The following DAB1 variants were observed in gnomAD, a reference collection of about 807,000 sequenced individuals.
DAB1 encodes DAB adaptor protein 1, also known as disabled homolog 1.
Under a neutral mutation model 64.6 loss-of-function variants are expected in DAB1, and 15 were observed. The ratio of observed to expected loss-of-function variants is 0.23; its 90% confidence interval spans 0.16 to 0.36. The LOEUF (loss-of-function observed/expected upper bound fraction) is 0.36, where lower values mean the gene tolerates loss of function less well. DAB1 is among the 10% of genes least tolerant of loss of function. The pLI, the probability that DAB1 is intolerant of heterozygous loss-of-function variation, is 1.00. For missense variants in DAB1, 596 were observed against 706.7 expected, an observed-to-expected ratio of 0.84 and a Z score of 1.78; for synonymous variants, 235 against 251.9, an observed-to-expected ratio of 0.93 and a Z score of 0.64.
At chr1:58,381,342 G>A (rs1157463041) in intron 3 of DAB1, among the ~76,000 whole-genome samples, 9 of 152,120 alleles carry the variant, frequency 5.9e-5, no homozygotes, top group Non-Finnish European at 1.2e-4. Flanking sequence ...AGTAGGCCAG[G>A]GTCAGCCAAG....
chr1:57,399,303 A>G (rs1683055917), intron 1 of DAB1, among the ~76,000 whole-genome samples: 1 of 152,214 alleles, frequency 6.6e-6, no homozygotes, highest in Non-Finnish European at 1.5e-5. Flanking sequence ...CACCAAGCAT[A>G]TAGCAGGTGC....
intron 7 of DAB1, among the ~76,000 whole-genome samples, chr1:57,522,105 A>G (rs1345794847): frequency 3.4e-5 from 5 of 148,000 alleles, no homozygotes; most frequent in African/African-American, 1.3e-4. Flanking sequence ...GCGAGACTCC[A>G]TCTCAAAAAA....
At chr1:57,185,918 C>T (rs1218473088) in intron 2 of DAB1, among the ~76,000 whole-genome samples, 2 of 152,028 alleles carry the variant, frequency 1.3e-5, no homozygotes, top group East Asian at 1.9e-4. Context: ...GAAGCAGAAC[C>T]GTGGACAATT....
chr1:57,035,258 T>C (rs1196078762), intron 9 of DAB1, among the ~76,000 whole-genome samples: 2 of 152,184 alleles, frequency 1.3e-5, no homozygotes, highest in African/African-American at 4.8e-5. Context: ...GGTCATAACT[T>C]TTAATAAAAA....
At chr1:58,291,779 T>C (rs1661845168) in intron 4 of DAB1, among the ~76,000 whole-genome samples, 3 of 152,192 alleles carry the variant, frequency 2.0e-5, no homozygotes, top group East Asian at 3.8e-4. Flanking sequence ...TAAGGTCACA[T>C]AGCTAGAAAA....
rs1334957079 is a variant in DAB1, at chr1:57,070,859, T to G, written c.597+164A>C. On this transcript the variant is annotated intron_variant, in intron 7 of 14. Coordinates refer to ENST00000371236, the MANE Select transcript of DAB1 (RefSeq NM_001365792.1). ...CCGGCCAAACTTCTGTTAGTTTTTA[T>G]GGAAATTTGCTCCTGGAGGGGCTGG... is the stretch of plus-strand genomic sequence containing the variant. 4.4e-6 allele frequency: 3 copies of G among 678,538 alleles called. No homozygotes were observed. The Admixed American group carries it at 7.2e-5, about 16-fold the overall frequency. 42.0% of individuals were successfully genotyped at this position (678,538 alleles called of 1,614,324 possible).
intron 6 of DAB1, among the ~76,000 whole-genome samples, chr1:57,696,287 G>C (rs1646844400): frequency 6.6e-6 from 1 of 152,122 alleles, no homozygotes; most frequent in African/African-American, 2.4e-5. Flanking sequence ...ATGGAAATCT[G>C]CAAGCAGGAG....
intron 6 of DAB1, among the ~76,000 whole-genome samples, chr1:57,817,215 G>A (rs1651896789): frequency 6.6e-6 from 1 of 152,166 alleles, no homozygotes; most frequent in South Asian, 2.1e-4. Flanking sequence ...GATTGGCAGA[G>A]AGCAATAATT....
chr1:57,669,729 T>C (rs1405105275), intron 6 of DAB1, among the ~76,000 whole-genome samples: 2 of 152,176 alleles, frequency 1.3e-5, no homozygotes, highest in Middle Eastern at 3.2e-3. Context: ...ATGATTGTGA[T>C]AGAAGCCTCC....
At chr1:57,980,950 C>A (rs1557592892) in intron 5 of DAB1, among the ~76,000 whole-genome samples, 1 of 150,096 alleles carries the variant, frequency 6.7e-6, no homozygotes, top group African/African-American at 2.5e-5. Context: ...GATAGATAAA[C>A]ATATATATAT....
chr1:57,053,913 C>T (rs987741325), intron 9 of DAB1, among the ~76,000 whole-genome samples: 2 of 151,996 alleles, frequency 1.3e-5, no homozygotes, highest in Non-Finnish European at 2.9e-5. Flanking sequence ...TCTTGAACTC[C>T]TGACCTCAGG....
At chr1:58,370,137 C>G (rs1163246534) in intron 3 of DAB1, among the ~76,000 whole-genome samples, 2 of 152,056 alleles carry the variant, frequency 1.3e-5, no homozygotes, top group Non-Finnish European at 2.9e-5. Flanking sequence ...AAAGCAAAAA[C>G]TAGGAGCACT....
intron 2 of DAB1, among the ~76,000 whole-genome samples, chr1:58,511,673 A>G (rs1266419756): frequency 2.0e-5 from 3 of 152,090 alleles, no homozygotes; most frequent in African/African-American, 7.2e-5. Flanking sequence ...ATGAGGAAAG[A>G]GCAGTCTCTT....
chr1:57,810,925 T>C (rs976159864), intron 6 of DAB1, among the ~76,000 whole-genome samples: 4 of 152,228 alleles, frequency 2.6e-5, no homozygotes, highest in African/African-American at 9.6e-5. Flanking sequence ...AGTAGGACTA[T>C]TTCCTTCTGG....
chr1:57,298,962 C>T (rs1218689996), intron 1 of DAB1, among the ~76,000 whole-genome samples: 1 of 152,144 alleles, frequency 6.6e-6, no homozygotes, highest in African/African-American at 2.4e-5. Context: ...ATGAAATTGA[C>T]ACCGTGGTAT....
intron 5 of DAB1, among the ~76,000 whole-genome samples, chr1:57,894,345 T>G (rs1391352848): frequency 6.6e-6 from 1 of 152,180 alleles, no homozygotes; most frequent in Non-Finnish European, 1.5e-5. Flanking sequence ...AGGACCTGCA[T>G]GGATTTGCCA....
rs529052064 is a variant in DAB1 at position 58,183,074 on chromosome 1, C to T, written n.310-32486G>A. 2.6e-5 allele frequency among the ~76,000 whole-genome samples: 4 copies of T among 151,946 alleles called. No homozygotes were observed. The East Asian group carries it at 7.7e-4, about 29-fold the overall frequency. Reference sequence around the variant, plus strand: ...ATGTTTCCAATCAGTTTTTCTTTTACTCCTCTTTTCATTTTAAGCCTGGAT... The same window carrying T: ...ATGTTTCCAATCAGTTTTTCTTTTATTCCTCTTTTCATTTTAAGCCTGGAT... On this transcript the variant is annotated intron_variant and non_coding_transcript_variant, in intron 4 of 20. Transcript: ENST00000485760.
intron 3 of DAB1, among the ~76,000 whole-genome samples, chr1:58,393,021 T>C (rs1644488715): frequency 6.6e-6 from 1 of 152,016 alleles, no homozygotes; most frequent in Admixed American, 6.6e-5. Flanking sequence ...GTTCCAGCTG[T>C]GGCTATCTCA....
intron 6 of DAB1, among the ~76,000 whole-genome samples, chr1:57,708,050 T>A (rs1271177537): frequency 1.3e-5 from 2 of 152,184 alleles, no homozygotes; most frequent in African/African-American, 4.8e-5. Context: ...TCACTGGCAC[T>A]GCACAAGGTC....
Sources: allele counts gnomAD v4.1 joint callset (sites outside exome capture counted in the v4.1 genomes callset), GRCh38; gene constraint gnomAD v4.1.1; transcripts MANE v1.5; gene names NCBI Gene and HGNC (gene_info 2026-07-23, HGNC 2026-07-21).